Variants in SLCO3A1 observed in about 807,000 individuals in gnomAD.
SLCO3A1 encodes the protein PGE1 transporter.
In SLCO3A1, 27 loss-of-function variants were observed where a neutral mutation model predicts 63.1. The observed-to-expected ratio is 0.43, with a 90% CI of 0.32 to 0.59. The LOEUF (loss-of-function observed/expected upper bound fraction) is 0.59. Among genes scored for constraint, SLCO3A1 ranks in the 20% least tolerant of loss-of-function variants. SLCO3A1 has a pLI of 0.09. For missense variants in SLCO3A1, 773 were observed against 945.8 expected, an observed-to-expected ratio of 0.82 and a Z score of 2.40; for synonymous variants, 473 against 409.9, an observed-to-expected ratio of 1.15 and a Z score of -1.86.
At chr15:91,881,825 A>G (rs1897596075) in intron 1 of SLCO3A1, among the ~76,000 whole-genome samples, 2 of 152,176 alleles carry the variant, frequency 1.3e-5, no homozygotes, top group South Asian at 4.1e-4. Flanking sequence ...TTCTTAGCGC[A>G]AGCAGCATGA....
chr15:92,038,352 A>G, intron 2 of SLCO3A1, among the ~76,000 whole-genome samples: 1 of 152,202 alleles, frequency 6.6e-6, no homozygotes, highest in East Asian at 1.9e-4. Flanking sequence ...CAAAAAGGGA[A>G]ATGCATGGGA....
chr15:92,032,716 C>T (rs548750306), intron 2 of SLCO3A1, among the ~76,000 whole-genome samples: 13 of 152,100 alleles, frequency 8.5e-5, no homozygotes, highest in Non-Finnish European at 1.3e-4. Flanking sequence ...AAGGCGGTTG[C>T]GATGCTCCTG....
At chr15:91,944,300 A>G (rs1899725075) in intron 2 of SLCO3A1, among the ~76,000 whole-genome samples, 2 of 152,142 alleles carry the variant, frequency 1.3e-5, no homozygotes, top group Admixed American at 1.3e-4. Flanking sequence ...CCCCTTTGGA[A>G]TGTGAGCCCC....
chr15:91,939,518 C>T (rs1009406529), intron 2 of SLCO3A1, among the ~76,000 whole-genome samples: 6 of 152,130 alleles, frequency 3.9e-5, no homozygotes, highest in Non-Finnish European at 5.9e-5. Flanking sequence ...CCCCATGGTT[C>T]GCTGGCTGCA....
At chr15:92,058,185 G>A (rs1336367068) in intron 2 of SLCO3A1, among the ~76,000 whole-genome samples, 2 of 152,068 alleles carry the variant, frequency 1.3e-5, no homozygotes, top group Admixed American at 6.6e-5. Context: ...GTGTGTGTTT[G>A]TGCACGCCTG....
chr15:91,913,747 T>C (rs112421480), intron 1 of SLCO3A1, among the ~76,000 whole-genome samples: 139 of 152,348 alleles, frequency 9.1e-4, no homozygotes, highest in African/African-American at 3.3e-3. Flanking sequence ...TTTGTAGATT[T>C]GGAGGAAGGT....
intron 9 of SLCO3A1, among the ~76,000 whole-genome samples, chr15:92,155,447 T>G (rs890220307): frequency 2.6e-5 from 4 of 151,948 alleles, no homozygotes; most frequent in African/African-American, 9.7e-5. Flanking sequence ...GGGGAAGGTG[T>G]GGGGTTGGAA....
chr15:92,094,443 C>T (rs1256273852), intron 2 of SLCO3A1, among the ~76,000 whole-genome samples: 4 of 152,178 alleles, frequency 2.6e-5, no homozygotes, highest in Non-Finnish European at 4.4e-5. Context: ...ATCCTCACTT[C>T]ACAAAAAATT....
chr15:91,917,932 T>G (rs1446713271), intron 2 of SLCO3A1, among the ~76,000 whole-genome samples: 1 of 152,184 alleles, frequency 6.6e-6, no homozygotes, highest in African/African-American at 2.4e-5. Context: ...AGTAGATCAA[T>G]CAGAGCACAG....
downstream of SLCO3A1, among the ~76,000 whole-genome samples, chr15:92,170,047 A>G (rs773514261): frequency 4.6e-5 from 7 of 152,242 alleles, no homozygotes; most frequent in Admixed American, 3.3e-4. Flanking sequence ...TGAACAACAT[A>G]GTAAGTTTTC....
At position 92,163,579 on chromosome 15, in the gene SLCO3A1, G is replaced by T. The variant is rs2048467805; in HGVS notation, c.*444G>T. ...ATTAAAAAAAAAAAACCCACAAGTT[G>T]AAAACATTGCCAGATTAAGCACTAG... On this transcript the variant is annotated 3_prime_UTR_variant, in exon 10 of 10. Transcript: ENST00000318445. 1.0e-6 allele frequency: 1 copy of T among 983,986 alleles called. No individual in the cohort carries two copies. Among genetic ancestry groups the T allele is most frequent in the South Asian group, 4.7e-5 (1 of 21,234 alleles). 61.0% of individuals were successfully genotyped at this position (983,986 alleles called of 1,614,324 possible). A position where few individuals can be genotyped will look rare whatever the true frequency, so the allele number is the denominator to read the frequency against.
chr15:91,895,551 A>G (rs931273348), intron 1 of SLCO3A1, among the ~76,000 whole-genome samples: 1 of 152,242 alleles, frequency 6.6e-6, no homozygotes, highest in Non-Finnish European at 1.5e-5. Flanking sequence ...CTTTTTGTAA[A>G]TGAAACTAAC....
intron 2 of SLCO3A1, among the ~76,000 whole-genome samples, chr15:92,072,478 G>A (rs1259476767): frequency 1.3e-5 from 2 of 152,108 alleles, no homozygotes; most frequent in African/African-American, 4.8e-5. Flanking sequence ...CAATGGGCCT[G>A]TTTTTCTTTA....
chr15:91,927,594 T>A (rs1597128566), intron 2 of SLCO3A1, among the ~76,000 whole-genome samples: 1 of 152,162 alleles, frequency 6.6e-6, no homozygotes, highest in Non-Finnish European at 1.5e-5. Flanking sequence ...GAGGGAGGAT[T>A]GGCGTTGCAC....
At chr15:92,074,787 G>A (rs988857823) in intron 2 of SLCO3A1, among the ~76,000 whole-genome samples, 39 of 151,552 alleles carry the variant, frequency 2.6e-4, no homozygotes, top group Admixed American at 1.8e-3. Flanking sequence ...GCGGTGGGGG[G>A]TGGCCAGGAG....
At position 91,968,184 on chromosome 15, in the gene SLCO3A1, G is replaced by A. The variant is rs530011640; in HGVS notation, c.646+51726G>A. 6.6e-5 allele frequency among the ~76,000 whole-genome samples: 10 copies of A among 152,228 alleles called. No homozygotes were observed. The South Asian group carries it at 1.2e-3, about 19-fold the overall frequency. ...ATCATCCATGCCCACAGAGGAGAGC[G>A]TGTGCCCTGAGTTTCAGTGCCGGAT... is the stretch of plus-strand genomic sequence containing the variant. On this transcript the variant is annotated intron_variant, in intron 2 of 9. Transcript: ENST00000318445. This position sits in a 1 kb window ranked among gnomAD's most constrained non-coding sequence, Gnocchi z 4.2.
At chr15:91,943,747 C>T (rs1899703024) in intron 2 of SLCO3A1, among the ~76,000 whole-genome samples, 1 of 152,166 alleles carries the variant, frequency 6.6e-6, no homozygotes, top group African/African-American at 2.4e-5. Context: ...AAGCCAGAGC[C>T]CCAGAGGACA....
chr15:92,144,695 G>C, intron 7 of SLCO3A1, among the ~76,000 whole-genome samples: 1 of 152,218 alleles, frequency 6.6e-6, no homozygotes, highest in Admixed American at 6.5e-5. Context: ...GTCTCTCCCA[G>C]GTTTCCTTCT....
chr15:91,952,279 T>G (rs1900025608), intron 2 of SLCO3A1, among the ~76,000 whole-genome samples: 1 of 152,240 alleles, frequency 6.6e-6, no homozygotes, highest in Non-Finnish European at 1.5e-5. Flanking sequence ...AGATCTGTCA[T>G]TTGCAAATGT....
Sources: gnomAD v4.1 joint callset for allele counts (sites outside exome capture counted in the v4.1 genomes callset) on GRCh38, gnomAD v4.1.1 for gene constraint, Gnocchi (gnomAD v3.1) non-coding constraint, MANE v1.5 for transcripts, NCBI Gene and HGNC (gene_info 2026-07-23, HGNC 2026-07-21) for gene names.